The following GNAQ variants were observed in gnomAD, a reference collection of about 807,000 sequenced individuals.
GNAQ encodes guanine nucleotide-binding protein G(q) subunit alpha.
A neutral mutation model predicts 43.9 loss-of-function variants in GNAQ; 8 were observed. That is an observed-to-expected ratio of 0.18 (90% CI 0.11 to 0.33). The LOEUF (loss-of-function observed/expected upper bound fraction) is 0.33. Ranked by LOEUF, GNAQ falls within the 10% of genes least tolerant of loss-of-function variation. The pLI, the probability that GNAQ is intolerant of heterozygous loss-of-function variation, is 1.00. For synonymous variants in GNAQ, 155 were observed against 170.7 expected, an observed-to-expected ratio of 0.91 and a Z score of 0.71; for missense variants, 158 against 450.8, an observed-to-expected ratio of 0.35 and a Z score of 5.88.
intron 1 of GNAQ, among the ~76,000 whole-genome samples, chr9:77,933,214 G>A (rs576014281): frequency 1.3e-5 from 2 of 152,140 alleles, no homozygotes; most frequent in South Asian, 2.1e-4. Flanking sequence ...ATGACTGACC[G>A]TCTTCTGCTA....
intron 2 of GNAQ, among the ~76,000 whole-genome samples, chr9:77,884,077 G>A (rs944211730): frequency 2.6e-5 from 4 of 152,324 alleles, no homozygotes; most frequent in African/African-American, 9.6e-5. Context: ...TGCTCTGGGT[G>A]AGAAGCAAAT....
chr9:77,718,888 C>A lies in GNAQ; in HGVS notation c.*2435G>T. ...ATCAGAGAGGTAATACTAAACTGTGCATTTGCCAAATAAGAATATGAATTG... is the reference window on the plus strand; with the variant it reads ...ATCAGAGAGGTAATACTAAACTGTGAATTTGCCAAATAAGAATATGAATTG... On this transcript the variant is annotated 3_prime_UTR_variant, in exon 7 of 7. Transcript: ENST00000286548. 4.3e-6 allele frequency: 1 copy of A among 232,318 alleles called. No individual in the cohort carries two copies. Among genetic ancestry groups the A allele is most frequent in the South Asian group, 1.8e-4 (1 of 5,514 alleles). 14.4% of individuals were successfully genotyped at this position (232,318 alleles called of 1,614,324 possible).
intron 2 of GNAQ, among the ~76,000 whole-genome samples, chr9:77,849,087 C>T (rs1002210234): frequency 1.3e-5 from 2 of 152,162 alleles, no homozygotes; most frequent in Admixed American, 1.3e-4. Context: ...TAGGCACTAG[C>T]ACCAAGTGCA....
At chr9:77,728,005 T>TG (rs111438971) in intron 6 of GNAQ, among the ~76,000 whole-genome samples, 1 of 129,288 alleles carries the variant, frequency 7.7e-6, no homozygotes, top group Non-Finnish European at 1.5e-5. Flanking sequence ...GTTTCTTTTC[T>TG]TTTTTTTTTA....
Position 77,717,279 on chromosome 9 carries a change from A to G in GNAQ, c.*4044T>C, listed in dbSNP as rs1825240752. The G allele has an allele frequency of 4.3e-6, 1 of 232,516 alleles. No homozygotes were observed. Among genetic ancestry groups the G allele is most frequent in the East Asian group, 6.1e-5 (1 of 16,406 alleles). The allele number at this position is 232,516 out of a possible 1,614,324, so 14.4% of individuals were successfully genotyped here. A position where few individuals can be genotyped will look rare whatever the true frequency, so the allele number is the denominator to read the frequency against. On this transcript the variant is annotated 3_prime_UTR_variant, in exon 7 of 7. Coordinates refer to ENST00000286548, the MANE Select transcript of GNAQ (RefSeq NM_002072.5). ...GTATCAATTGAGATGTTGATTACCA[A>G]TTAAGTGGTTTTAAACCCTTATTTA...
chr9:77,963,867 C>T (rs1325896589), intron 1 of GNAQ, among the ~76,000 whole-genome samples: 3 of 152,018 alleles, frequency 2.0e-5, no homozygotes, highest in African/African-American at 7.2e-5. Context: ...CCTAATTTGG[C>T]TTCTTCTGAC....
rs73653005 is a variant in GNAQ, at chr9:77,796,552, A to G, written c.605+968T>C. Among the ~76,000 whole-genome samples the G allele has an allele frequency of 6.7e-3, 1,020 of 152,352 alleles. 12 individuals are homozygous for G. The highest frequency in any genetic ancestry group is 0.023 in the African/African-American group (962 of 41,580). ...GTTTATTTTTTCTCATCCTAAAAAC[A>G]AAACAACAGAATGCTTCTGCTGAAG... On this transcript the variant is annotated intron_variant, in intron 4 of 6. Transcript: ENST00000286548.
At chr9:77,969,552 C>A (rs1316988245) in intron 1 of GNAQ, among the ~76,000 whole-genome samples, 2 of 152,266 alleles carry the variant, frequency 1.3e-5, no homozygotes, top group South Asian at 2.1e-4. Flanking sequence ...ATATATAATA[C>A]AGATTATACT....
chr9:77,795,897 G>GT, intron 4 of GNAQ, among the ~76,000 whole-genome samples: 1 of 152,148 alleles, frequency 6.6e-6, no homozygotes, highest in Non-Finnish European at 1.5e-5. Flanking sequence ...AAAAGCCAGT[G>GT]TACAAAACGT....
rs1047776208 is a variant in GNAQ, at chr9:77,778,659, A to T, written c.735+15804T>A. On this transcript the variant is annotated intron_variant, in intron 5 of 6. Coordinates refer to ENST00000286548, the MANE Select transcript of GNAQ (RefSeq NM_002072.5). The stretch of plus-strand genomic sequence containing the variant: ...GAGATGGCCAGAATGGATAAAAAAA[A>T]CCACAACCACATACATTGTCTATAA... Among the ~76,000 whole-genome samples the T allele has an allele frequency of 7.9e-5, 12 of 152,080 alleles. No homozygotes were observed. In the South Asian group the frequency reaches 2.3e-3, roughly 29 times the overall value.
chr9:77,832,620 CT>C (rs1827318064), intron 2 of GNAQ, among the ~76,000 whole-genome samples: 1 of 152,242 alleles, frequency 6.6e-6, no homozygotes, highest in East Asian at 1.9e-4. Context: ...TAAGTATCAT[CT>C]GTCCCCCTTC....
intron 2 of GNAQ, among the ~76,000 whole-genome samples, chr9:77,817,792 C>A (rs1827042933): frequency 6.6e-6 from 1 of 152,122 alleles, no homozygotes; most frequent in African/African-American, 2.4e-5. Context: ...ATGAGCGATG[C>A]TGCATGGGGA....
intron 2 of GNAQ, among the ~76,000 whole-genome samples, chr9:77,900,297 CT>C (rs1349400774): frequency 1.3e-5 from 2 of 152,102 alleles, no homozygotes; most frequent in African/African-American, 4.8e-5. Flanking sequence ...AAAAAAGATC[CT>C]TCTGTCACTC....
At chr9:78,030,913 G>GTGTGTC (rs1554736266) in intron 1 of GNAQ, among the ~76,000 whole-genome samples, 187 bp downstream of exon 1, 5 of 141,080 alleles carry the variant, frequency 3.5e-5, no homozygotes, top group Admixed American at 1.4e-4. Context: ...GTGTGTGTGT[G>GTGTGTC]TGTGTGTCTG....
At chr9:77,745,611 CA>C (rs5898559) in intron 5 of GNAQ, among the ~76,000 whole-genome samples, 150,482 of 151,316 alleles carry the variant, frequency 0.99, 74,830 homozygotes, top group East Asian at 1. Flanking sequence ...TGCACACACA[CA>C]AAAAAAAAAT....
chr9:77,803,764 T>A (rs1052661885), intron 3 of GNAQ, among the ~76,000 whole-genome samples: 1 of 152,216 alleles, frequency 6.6e-6, no homozygotes, highest in African/African-American at 2.4e-5. Context: ...AGTCACTTTC[T>A]GGGAACCTGT....
chr9:77,875,889 A>G (rs1489283575), intron 2 of GNAQ, among the ~76,000 whole-genome samples: 2 of 152,100 alleles, frequency 1.3e-5, no homozygotes, highest in Non-Finnish European at 2.9e-5. Flanking sequence ...GTTTTGCTGA[A>G]AAGAGGGAGA....
intron 1 of GNAQ, among the ~76,000 whole-genome samples, chr9:78,008,619 C>CATTTTATTTT (rs1313513141): frequency 1.1e-3 from 118 of 103,026 alleles, no homozygotes; most frequent in African/African-American, 5.0e-3. Context: ...CATTTCATTT[C>CATTTTATTTT]ATTTTATTTT....
chr9:77,798,617 C>T (rs933784017), intron 3 of GNAQ, among the ~76,000 whole-genome samples: 2 of 152,166 alleles, frequency 1.3e-5, no homozygotes, highest in African/African-American at 2.4e-5. Flanking sequence ...TCCCTGGATG[C>T]TCAAGTCCTC....
Sources: gnomAD v4.1 joint callset for allele counts (sites outside exome capture counted in the v4.1 genomes callset) on GRCh38, gnomAD v4.1.1 for gene constraint, MANE v1.5 for transcripts, NCBI Gene and HGNC (gene_info 2026-07-23, HGNC 2026-07-21) for gene names.